Variants in PSD3 observed in about 807,000 individuals in gnomAD.
The protein encoded by PSD3 is PH and SEC7 domain-containing protein 3.
PSD3 carries 49 observed loss-of-function variants against 105.5 expected under a neutral mutation model. The observed-to-expected ratio is 0.46, with a 90% CI of 0.37 to 0.59. PSD3 has a LOEUF of 0.59. PSD3 is among the 20% of genes least tolerant of loss of function. The probability of loss-of-function intolerance (pLI) is 0.00; values close to 1 mark genes in which losing one functional copy is unlikely to be tolerated. For synonymous variants in PSD3, 557 were observed against 457.8 expected, an observed-to-expected ratio of 1.22 and a Z score of -2.77; for missense variants, 1,561 against 1,263.8, an observed-to-expected ratio of 1.24 and a Z score of -3.57.
At chr8:18,720,639 G>C (rs1443853646) in intron 9 of PSD3, among the ~76,000 whole-genome samples, 1 of 152,158 alleles carries the variant, frequency 6.6e-6, no homozygotes, top group African/African-American at 2.4e-5. Flanking sequence ...GAATGTGCCA[G>C]TAAAATTAAA....
chr8:18,991,271 G>A (rs907421980), intron 1 of PSD3, among the ~76,000 whole-genome samples: 2 of 151,950 alleles, frequency 1.3e-5, no homozygotes, highest in African/African-American at 4.8e-5. Flanking sequence ...CTACAGAAGT[G>A]AACTTGGCTA....
At chr8:18,764,246 T>C (rs958201668) in intron 9 of PSD3, among the ~76,000 whole-genome samples, 3 of 152,170 alleles carry the variant, frequency 2.0e-5, no homozygotes, top group Non-Finnish European at 4.4e-5. Context: ...CATGCAAATA[T>C]CACTAGACTG....
rs1197545453 is a variant in PSD3, at chr8:18,594,148, TA to T, written c.2481+6215del. ...TAATATATATTATATATATATTATA[TA>T]ATATATATTATTATATACATATTAT... On this transcript the variant is annotated intron_variant, in intron 12 of 15. Coordinates refer to ENST00000327040, the MANE Select transcript of PSD3 (RefSeq NM_015310.4). Among the ~76,000 whole-genome samples, 4 of 65,562 alleles carry T rather than the reference TA, an allele frequency of 6.1e-5. 1 individual carries two copies. Among genetic ancestry groups the T allele is most frequent in the African/African-American group, 2.1e-4 (4 of 19,122 alleles). The allele number at this position is 65,562 out of a possible 152,430, so 43.0% of individuals were successfully genotyped here.
chr8:18,656,400 T>C (rs1166530479), intron 9 of PSD3, among the ~76,000 whole-genome samples: 3 of 151,850 alleles, frequency 2.0e-5, no homozygotes, highest in Non-Finnish European at 4.4e-5. Context: ...ATTGTTTTCA[T>C]GGCAAATTAA....
intron 4 of PSD3, among the ~76,000 whole-genome samples, chr8:18,862,629 C>G (rs1816535181): frequency 6.6e-6 from 1 of 151,968 alleles, no homozygotes; most frequent in African/African-American, 2.4e-5. Flanking sequence ...AAATGTTGTT[C>G]TCTGTCACCA....
At position 18,764,063 on chromosome 8, in the gene PSD3, C is replaced by T. The variant is rs146959796; in HGVS notation, c.2172+1386G>A. On this transcript the variant is annotated intron_variant, in intron 9 of 15. Coordinates refer to ENST00000327040, the MANE Select transcript of PSD3 (RefSeq NM_015310.4). Reference sequence around the variant, plus strand: ...AACCATACACGGTTTCATACAGCTCCGCCAAACATGCTCTAAATTAGCCAA... The same window carrying T: ...AACCATACACGGTTTCATACAGCTCTGCCAAACATGCTCTAAATTAGCCAA... 4.6e-5 allele frequency among the ~76,000 whole-genome samples: 7 copies of T among 152,240 alleles called. No individual in the cohort carries two copies. In the South Asian group the frequency reaches 1.2e-3, roughly 27 times the overall value.
intron 2 of PSD3, among the ~76,000 whole-genome samples, chr8:18,926,700 C>T (rs1821385589): frequency 6.6e-6 from 1 of 152,122 alleles, no homozygotes; most frequent in Admixed American, 6.5e-5. Flanking sequence ...GCAATTTTTC[C>T]TCTGATCTCA....
intron 12 of PSD3, among the ~76,000 whole-genome samples, chr8:18,579,134 A>AC (rs1563342127): frequency 1.5e-4 from 23 of 149,360 alleles, no homozygotes; most frequent in African/African-American, 4.2e-4. Flanking sequence ...ACACACACAC[A>AC]AAGGGCAAAA....
chr8:18,913,686 C>T (rs1252292099), intron 2 of PSD3, among the ~76,000 whole-genome samples: 1 of 152,154 alleles, frequency 6.6e-6, no homozygotes, highest in Non-Finnish European at 1.5e-5. Context: ...AGGATCTAGG[C>T]CTGCCCCCAG....
At chr8:18,917,795 G>C (rs1209338795) in intron 2 of PSD3, among the ~76,000 whole-genome samples, 3 of 152,080 alleles carry the variant, frequency 2.0e-5, no homozygotes, top group Non-Finnish European at 4.4e-5. Flanking sequence ...AGACCAACTA[G>C]CCCAAAGTAG....
At chr8:19,042,433 T>C (rs1281747748) in intron 1 of PSD3, among the ~76,000 whole-genome samples, 1 of 152,182 alleles carries the variant, frequency 6.6e-6, no homozygotes, top group Non-Finnish European at 1.5e-5. Context: ...CTAGGTCCAT[T>C]ATATAGAAAG....
intron 1 of PSD3, among the ~76,000 whole-genome samples, chr8:18,964,483 A>G (rs1469442893): frequency 1.3e-5 from 2 of 151,916 alleles, no homozygotes; most frequent in African/African-American, 2.4e-5. Context: ...GCACAAAACT[A>G]ATGCTTTACT....
At chr8:18,741,847 G>C (rs1224866622) in intron 9 of PSD3, among the ~76,000 whole-genome samples, 1 of 130,418 alleles carries the variant, frequency 7.7e-6, no homozygotes, top group South Asian at 2.6e-4. Context: ...ACCAACAAAT[G>C]AAATAGTGAC....
intron 4 of PSD3, among the ~76,000 whole-genome samples, chr8:18,821,360 A>C (rs1188950118): frequency 6.9e-6 from 1 of 145,512 alleles, no homozygotes; most frequent in Non-Finnish European, 1.5e-5. Flanking sequence ...ATTTGAGATT[A>C]TTATTAGAAT....
intron 10 of PSD3, among the ~76,000 whole-genome samples, chr8:18,637,751 C>G (rs1271766282): frequency 6.6e-6 from 1 of 152,070 alleles, no homozygotes; most frequent in Non-Finnish European, 1.5e-5. Flanking sequence ...TATCTACAAC[C>G]AATACCATAA....
At chr8:18,835,551 G>A (rs1334740577) in intron 4 of PSD3, among the ~76,000 whole-genome samples, 2 of 152,198 alleles carry the variant, frequency 1.3e-5, no homozygotes, top group African/African-American at 4.8e-5. Flanking sequence ...GAAGTGATAA[G>A]TAAAATACGT....
intron 9 of PSD3, among the ~76,000 whole-genome samples, chr8:18,731,702 T>C (rs1424120828): frequency 3.9e-5 from 6 of 152,214 alleles, no homozygotes; most frequent in African/African-American, 1.4e-4. Context: ...CTCAGGAAAT[T>C]AAAAGTTGTA....
chr8:18,559,628 C>T (rs1369347614), intron 14 of PSD3, among the ~76,000 whole-genome samples: 1 of 4,158 alleles, frequency 2.4e-4, no homozygotes, highest in Non-Finnish European at 7.6e-4. Flanking sequence ...AATTTACAAA[C>T]TTCTATTTTT....
chr8:19,009,081 C>T (rs775539298), intron 1 of PSD3, among the ~76,000 whole-genome samples: 10 of 152,166 alleles, frequency 6.6e-5, no homozygotes, highest in Non-Finnish European at 1.5e-4. Flanking sequence ...CAATTAATGA[C>T]ACATAACTAC....
Sources: gnomAD v4.1 joint callset for allele counts (sites outside exome capture counted in the v4.1 genomes callset) on GRCh38, gnomAD v4.1.1 for gene constraint, MANE v1.5 for transcripts, NCBI Gene and HGNC (gene_info 2026-07-23, HGNC 2026-07-21) for gene names.